The following SAR1A variants were observed in gnomAD, a reference collection of about 807,000 sequenced individuals.
SAR1A encodes secretion associated Ras related GTPase 1A.
In SAR1A, 6 loss-of-function variants were observed where a neutral mutation model predicts 22.6. That is an observed-to-expected ratio of 0.27 (90% confidence interval 0.15 to 0.52). SAR1A has a LOEUF of 0.52. Among genes scored for constraint, SAR1A ranks in the 20% least tolerant of loss-of-function variants. The probability of loss-of-function intolerance (pLI) is 0.96; values close to 1 mark genes in which losing one functional copy is unlikely to be tolerated. For missense variants in SAR1A, 145 were observed against 245.1 expected, an observed-to-expected ratio of 0.59 and a Z score of 2.73; for synonymous variants, 70 against 82.2, an observed-to-expected ratio of 0.85 and a Z score of 0.80.
At chr10:70,158,757 C>CAGAAA (rs368054677) in intron 4 of SAR1A, among the ~76,000 whole-genome samples, 1 of 125,810 alleles carries the variant, frequency 7.9e-6, no homozygotes, top group Non-Finnish European at 1.7e-5. Flanking sequence ...TTAAGTTATA[C>CAGAAA]AAAAAAAAAA....
Position 70,151,426 on chromosome 10 carries a change from C to T in SAR1A, c.*1050G>A, listed in dbSNP as rs72807054. The stretch of plus-strand genomic sequence containing the variant: ...TGGAAATTTTAAAGCCCACTGAATA[C>T]ATTTTTCATGGATCCAAACAAATGC... On this transcript the variant is annotated 3_prime_UTR_variant, in exon 7 of 7. Transcript: ENST00000373241. The T allele has an allele frequency of 0.02, 3,111 of 152,256 alleles. 35 individuals are homozygous for T. Among genetic ancestry groups the T allele is most frequent in the Non-Finnish European group, 0.032 (2,184 of 68,014 alleles). 9.4% of individuals were successfully genotyped at this position (152,256 alleles called of 1,614,324 possible).
At position 70,152,473 on chromosome 10, in the gene SAR1A, A is replaced by G. The variant is rs192845228; in HGVS notation, c.*3T>C. ...AAACTCTTTTATTTTCACCGTCCAA[A>G]CATCAGTCAATATACTGGGAGAGCC... is the stretch of plus-strand genomic sequence containing the variant. On this transcript the variant is annotated 3_prime_UTR_variant, in exon 7 of 7. Coordinates refer to ENST00000373241, the MANE Select transcript of SAR1A (RefSeq NM_020150.5). 2.5e-6 allele frequency: 4 copies of G among 1,599,762 alleles called. No individual in the cohort carries two copies. The Admixed American group carries it at 6.7e-5, about 27-fold the overall frequency.
In SAR1A at chr10:70,148,239, C is replaced by G. The variant is rs1295597133; in HGVS notation, c.*4237G>C. The G allele has an allele frequency of 6.6e-6, 1 of 152,250 alleles. No individual in the cohort carries two copies. The highest frequency in any genetic ancestry group is 1.5e-5 in the Non-Finnish European group (1 of 68,056). The allele number at this position is 152,250 out of a possible 1,614,324, so 9.4% of individuals were successfully genotyped here. On this transcript the variant is annotated 3_prime_UTR_variant, in exon 7 of 7. Transcript: ENST00000373241. ...CATATACAATTGCTACTTAAATTCT[C>G]TAATCTTTCTGCCTGAATTCTTTAA...
chr10:70,156,866 T>C (rs1001910849), intron 5 of SAR1A, among the ~76,000 whole-genome samples: 1 of 151,980 alleles, frequency 6.6e-6, no homozygotes, highest in Non-Finnish European at 1.5e-5. Flanking sequence ...ACAAAGCCAA[T>C]AGTATAGAAA....
chr10:70,153,889 A>C lies in SAR1A; in HGVS notation c.429T>G (p.Ser143Arg). The C allele has an allele frequency of 1.9e-6, 3 of 1,608,768 alleles. No individual in the cohort carries two copies. The highest frequency in any genetic ancestry group is 2.5e-6 in the Non-Finnish European group (3 of 1,178,132). ...CAAATATCTCACGGAGTTTTTCTTC[A>C]CTGATTGCATCTGTTCTGTCAATTT... The part of the protein sequence containing the change: ...GNKIDRTDAI[S>R]EEKLREIFGL... The change falls in exon 6 of 7, where the codon AGT becomes AGG. Residue 143 changes from serine to arginine, a missense_variant. Around this residue, in one of 3 missense-constraint regions of SAR1A, gnomAD observed 83 missense variants for 114.7 expected, o/e 0.72. Coordinates refer to ENST00000373241, the MANE Select transcript of SAR1A (RefSeq NM_020150.5).
Position 70,149,927 on chromosome 10 carries a change from T to C in SAR1A, c.*2549A>G, listed in dbSNP as rs1280169119. ...GTCCTTGCTAGCATGTTAATATAGA[T>C]TTTGCTCAAACATCTGCCATCCCCA... On this transcript the variant is annotated 3_prime_UTR_variant, in exon 7 of 7. Coordinates refer to ENST00000373241, the MANE Select transcript of SAR1A (RefSeq NM_020150.5). The C allele has an allele frequency of 2.6e-5, 4 of 152,132 alleles. No homozygotes were observed. Among genetic ancestry groups the C allele is most frequent in the Non-Finnish European group, 5.9e-5 (4 of 68,030 alleles). 9.4% of individuals were successfully genotyped at this position (152,132 alleles called of 1,614,324 possible).
rs1839461792 is a variant in SAR1A at position 70,161,058 on chromosome 10, G to A, written c.190C>T (p.Leu64=). The A allele has an allele frequency of 1.6e-5, 25 of 1,611,640 alleles. No homozygotes were observed. The highest frequency in any genetic ancestry group is 2.0e-5 in the Non-Finnish European group (24 of 1,178,706). Residue 64 remains leucine (L), a synonymous_variant, in exon 4 of 7, where the codon CTA becomes TTA. Transcript: ENST00000373241. ...VPTLHPTSEE[L]TIAGMTFTTF... ...GTAAAGGTCATTCCAGCAATTGTTA[G>A]CTCTTCTGATGCTGAAAAATTGTTT...
At chr10:70,153,774 C>G in intron 6 of SAR1A, 64 bp downstream of exon 6, 1 of 1,365,948 alleles carries the variant, frequency 7.3e-7, no homozygotes, top group Non-Finnish European at 9.8e-7. Context: ...ATCTAGATAG[C>G]GAAACATCAT....
At chr10:70,167,568 A>T (rs1839569740) in intron 1 of SAR1A, 1 of 151,834 alleles carries the variant, frequency 6.6e-6, no homozygotes, top group South Asian at 2.1e-4. Context: ...GCTCCACTGC[A>T]CTTCAGCCTG....
chr10:70,161,105 C>G, intron 3 of SAR1A, 36 bp from the exon 4 acceptor site: 1 of 1,463,844 alleles, frequency 6.8e-7, no homozygotes, highest in Non-Finnish European at 9.5e-7. Flanking sequence ...AAAAACTTGT[C>G]AACTCAACAA....
intron 5 of SAR1A, among the ~76,000 whole-genome samples, chr10:70,154,471 C>CA (rs139278269): frequency 0.036 from 5,452 of 150,598 alleles, 121 homozygotes; most frequent in East Asian, 0.059. Context: ...TTCCTGTCCT[C>CA]AAAAAAATCC....
At chr10:70,152,672 T>C in intron 6 of SAR1A, 80 bp from the exon 7 acceptor site, 1 of 1,023,202 alleles carries the variant, frequency 9.8e-7, no homozygotes, top group Non-Finnish European at 1.5e-6. Context: ...TACAATCATT[T>C]TATCCATTCC....
intron 1 of SAR1A, among the ~76,000 whole-genome samples, chr10:70,165,244 G>A (rs577023879): frequency 1.3e-3 from 178 of 133,916 alleles, no homozygotes; most frequent in Admixed American, 5.5e-3. Flanking sequence ...CAGCCTGGGC[G>A]ACAGAGCGAG....
intron 6 of SAR1A, 132 bp from the exon 7 acceptor site, chr10:70,152,724 T>C: frequency 1.5e-6 from 1 of 682,278 alleles, no homozygotes; most frequent in South Asian, 1.7e-5. Flanking sequence ...AGAAATGTGG[T>C]CAAGGCCATA....
chr10:70,152,006 TA>T lies in SAR1A; in HGVS notation c.*469del, dbSNP rs1476417025. On this transcript the variant is annotated 3_prime_UTR_variant, in exon 7 of 7. Transcript: ENST00000373241. ...GAGCTCTGGCCTCCATATCTGTTCA[TA>T]ATTTTATGAAGTATCTAAATGTCAT... 2 of 196,714 alleles carry T rather than the reference TA, an allele frequency of 1.0e-5. No homozygotes were observed. The highest frequency in any genetic ancestry group is 2.4e-5 in the African/African-American group (1 of 42,232). 12.2% of individuals were successfully genotyped at this position (196,714 alleles called of 1,614,324 possible). A position where few individuals can be genotyped will look rare whatever the true frequency, so the allele number is the denominator to read the frequency against.
intron 6 of SAR1A, among the ~76,000 whole-genome samples, chr10:70,153,224 T>G (rs1289626502): frequency 6.6e-6 from 1 of 152,226 alleles, no homozygotes; most frequent in East Asian, 1.9e-4. Context: ...TAACTTTATC[T>G]GATCTAGATT....
rs1365920040 is a variant in SAR1A, at chr10:70,147,598, T to C, written c.*4878A>G. 10 of 152,216 alleles carry C rather than the reference T, an allele frequency of 6.6e-5. No homozygotes were observed. The highest frequency in any genetic ancestry group is 6.5e-4 in the Admixed American group (10 of 15,282). The allele number at this position is 152,216 out of a possible 1,614,324, so 9.4% of individuals were successfully genotyped here. A position where few individuals can be genotyped will look rare whatever the true frequency, so the allele number is the denominator to read the frequency against. On this transcript the variant is annotated 3_prime_UTR_variant, in exon 7 of 7. Transcript: ENST00000373241. ...ATTCTTTAAATATTTTTTCCAACCA[T>C]TTAAATATGTAAAAACCTTTCTTTG...
At chr10:70,154,570 A>C (rs1288269004) in intron 5 of SAR1A, among the ~76,000 whole-genome samples, 2 of 149,880 alleles carry the variant, frequency 1.3e-5, no homozygotes, top group Non-Finnish European at 3.0e-5. Context: ...CGATTCTCCC[A>C]CCTCAGCCTC....
intron 5 of SAR1A, among the ~76,000 whole-genome samples, chr10:70,155,773 G>C (rs1399817016): frequency 6.6e-6 from 1 of 152,282 alleles, no homozygotes; most frequent in African/African-American, 2.4e-5. Flanking sequence ...GAGAGGTACA[G>C]GTGAAAAAGC....
Sources: allele counts gnomAD v4.1 joint callset (sites outside exome capture counted in the v4.1 genomes callset), GRCh38; gene constraint gnomAD v4.1.1; regional missense constraint gnomAD v4.1.1; transcripts MANE v1.5; gene names NCBI Gene and HGNC (gene_info 2026-07-23, HGNC 2026-07-21).